Variants in LRP1B observed in about 807,000 individuals in gnomAD.
LRP1B encodes low-density lipoprotein receptor-related protein 1B.
In LRP1B, 217 loss-of-function variants were observed where a neutral mutation model predicts 556.6. The observed-to-expected ratio is 0.39, with a 90% CI of 0.35 to 0.44. The LOEUF (loss-of-function observed/expected upper bound fraction) is 0.44. Ranked by LOEUF, LRP1B falls within the 20% of genes least tolerant of loss-of-function variation. The pLI is 1.00. For synonymous variants in LRP1B, 2,047 were observed against 1,865.8 expected (o/e 1.10, Z -2.50); for missense variants, 5,053 against 5,620.8 (o/e 0.90, Z 3.23).
chr2:141,349,877 T>C (rs775205952), intron 3 of LRP1B, among the ~76,000 whole-genome samples: 1 of 152,098 alleles, frequency 6.6e-6, no homozygotes, highest in Non-Finnish European at 1.5e-5. Flanking sequence ...TAATGGTTGT[T>C]GTATTAGTCT....
chr2:141,396,295 T>A (rs1690234869), intron 3 of LRP1B, among the ~76,000 whole-genome samples: 1 of 152,178 alleles, frequency 6.6e-6, no homozygotes, highest in Non-Finnish European at 1.5e-5. Flanking sequence ...TTTAGCTATA[T>A]GAAAAAGAAT....
At chr2:141,374,640 G>T (rs1004630110) in intron 3 of LRP1B, among the ~76,000 whole-genome samples, 1 of 151,804 alleles carries the variant, frequency 6.6e-6, no homozygotes, top group African/African-American at 2.4e-5. Flanking sequence ...ATGAAATTTT[G>T]TTTTCTGCTT....
chr2:140,274,306 G>A (rs1682580800), intron 85 of LRP1B, 118 bp downstream of exon 85: 3 of 850,688 alleles, frequency 3.5e-6, no homozygotes, highest in Non-Finnish European at 5.6e-6. Context: ...AACTGCAATG[G>A]GCACAATACG....
At position 141,898,774 on chromosome 2, in the gene LRP1B, C is replaced by T. The variant is rs1699531676; in HGVS notation, c.83-88373G>A. Among the ~76,000 whole-genome samples the T allele has an allele frequency of 5.3e-5, 8 of 152,028 alleles. No homozygotes were observed. The South Asian group carries it at 1.5e-3, about 28-fold the overall frequency. ...ACATCCTTATTATCAGGAGATATTA[C>T]CTACAAGTCATCACTATAAAGCCCT... is the stretch of plus-strand genomic sequence containing the variant. On this transcript the variant is annotated intron_variant, in intron 1 of 90. Transcript: ENST00000389484.
chr2:140,541,143 T>C, intron 44 of LRP1B, 45 bp from the exon 45 acceptor site: 1 of 1,487,106 alleles, frequency 6.7e-7, no homozygotes, highest in Non-Finnish European at 9.3e-7. Flanking sequence ...ATCGAATTCC[T>C]GTTCTATGTT....
intron 1 of LRP1B, among the ~76,000 whole-genome samples, chr2:142,012,229 ATAT>A (rs1389617730): frequency 6.6e-6 from 1 of 152,124 alleles, no homozygotes; most frequent in Non-Finnish European, 1.5e-5. Context: ...TATAAAGTTG[ATAT>A]TGTTCACACA....
intron 32 of LRP1B, among the ~76,000 whole-genome samples, chr2:140,785,140 G>C (rs1689850574): frequency 6.6e-6 from 1 of 152,110 alleles, no homozygotes; most frequent in Non-Finnish European, 1.5e-5. Flanking sequence ...TTATTGAGAA[G>C]ACAAGAATGT....
intron 7 of LRP1B, among the ~76,000 whole-genome samples, chr2:141,130,966 T>G (rs549622049): frequency 2.6e-5 from 4 of 151,128 alleles, no homozygotes; most frequent in Admixed American, 1.3e-4. Context: ...TAAGTGGGAG[T>G]TGAATAATGA....
At chr2:140,781,164 C>A (rs984816978) in intron 32 of LRP1B, among the ~76,000 whole-genome samples, 1 of 152,092 alleles carries the variant, frequency 6.6e-6, no homozygotes, top group Non-Finnish European at 1.5e-5. Flanking sequence ...GAACCACGGC[C>A]TTGAAGACCA....
intron 41 of LRP1B, among the ~76,000 whole-genome samples, chr2:140,692,181 T>C (rs1345156474): frequency 6.6e-6 from 1 of 152,152 alleles, no homozygotes; most frequent in Non-Finnish European, 1.5e-5. Flanking sequence ...TTTGAAAATA[T>C]TACTATGTTA....
At chr2:141,945,477 GTAT>G (rs1700926353) in intron 1 of LRP1B, among the ~76,000 whole-genome samples, 1 of 151,200 alleles carries the variant, frequency 6.6e-6, no homozygotes, top group Non-Finnish European at 1.5e-5. Context: ...TTTTTATAGA[GTAT>G]TATCATTTTG....
At chr2:141,173,834 C>G (rs915344893) in intron 7 of LRP1B, among the ~76,000 whole-genome samples, 2 of 152,030 alleles carry the variant, frequency 1.3e-5, no homozygotes, top group Non-Finnish European at 2.9e-5. Context: ...CTTCTCTGTT[C>G]TTCCTGCTAT....
intron 3 of LRP1B, among the ~76,000 whole-genome samples, chr2:141,264,498 C>T (rs1684814760): frequency 6.6e-6 from 1 of 152,110 alleles, no homozygotes; most frequent in South Asian, 2.1e-4. Context: ...TCTTGTCATC[C>T]AGGCTGGAGT....
At chr2:141,972,815 A>G (rs1343647256) in intron 1 of LRP1B, among the ~76,000 whole-genome samples, 1 of 151,686 alleles carries the variant, frequency 6.6e-6, no homozygotes, top group Admixed American at 6.6e-5. Flanking sequence ...AATCAACTTG[A>G]ATTAAAGTAT....
intron 2 of LRP1B, among the ~76,000 whole-genome samples, chr2:141,726,178 T>G (rs1369655138): frequency 2.0e-5 from 3 of 151,288 alleles, no homozygotes; most frequent in Non-Finnish European, 4.4e-5. Flanking sequence ...ATTCATAATA[T>G]ATTTTTAGGT....
At chr2:140,560,571 T>C (rs1002489094) in intron 43 of LRP1B, among the ~76,000 whole-genome samples, 1 of 152,036 alleles carries the variant, frequency 6.6e-6, no homozygotes, top group Non-Finnish European at 1.5e-5. Context: ...TACTAAAATA[T>C]GTACAAGATC....
intron 1 of LRP1B, among the ~76,000 whole-genome samples, chr2:142,096,445 T>A (rs1205096965): frequency 6.6e-6 from 1 of 151,390 alleles, no homozygotes; most frequent in Non-Finnish European, 1.5e-5. Context: ...TTGTATTTTT[T>A]TTTTTTTACA....
intron 2 of LRP1B, among the ~76,000 whole-genome samples, chr2:141,508,427 C>T (rs536392917): frequency 6.6e-6 from 1 of 152,260 alleles, no homozygotes; most frequent in African/African-American, 2.4e-5. Flanking sequence ...GACACTTTTC[C>T]AGAACTTGTT....
At chr2:140,498,410 A>G (rs984169905) in intron 55 of LRP1B, among the ~76,000 whole-genome samples, 3 of 151,830 alleles carry the variant, frequency 2.0e-5, no homozygotes, top group African/African-American at 7.2e-5. Flanking sequence ...TTATTTTTAC[A>G]TGGTAAATTA....
Sources: allele counts gnomAD v4.1 joint callset (sites outside exome capture counted in the v4.1 genomes callset), GRCh38; gene constraint gnomAD v4.1.1; transcripts MANE v1.5; gene names NCBI Gene and HGNC (gene_info 2026-07-23, HGNC 2026-07-21).